Variants in CTNNA2 observed in about 807,000 individuals in gnomAD.
The protein encoded by CTNNA2 is catenin alpha 2.
Under a neutral mutation model 101.0 loss-of-function variants are expected in CTNNA2, and 42 were observed. That is an observed-to-expected ratio of 0.42 (90% CI 0.32 to 0.54). The LOEUF is 0.54. Ranked by LOEUF, CTNNA2 falls within the 20% of genes least tolerant of loss-of-function variation. CTNNA2 has a pLI of 0.14. For synonymous variants in CTNNA2, 450 were observed against 456.4 expected, an observed-to-expected ratio of 0.99 and a Z score of 0.18; for missense variants, 871 against 1,223.1, an observed-to-expected ratio of 0.71 and a Z score of 4.29.
chr2:79,786,957 A>G (rs960871959), intron 3 of CTNNA2, among the ~76,000 whole-genome samples: 2 of 152,062 alleles, frequency 1.3e-5, no homozygotes, highest in Admixed American at 6.6e-5. Context: ...CATCAGATCC[A>G]ATCCCTGCCT....
In CTNNA2 at chr2:79,829,665, T is replaced by C. The variant is rs547442667; in HGVS notation, c.299-28348T>C. Among the ~76,000 whole-genome samples the C allele has an allele frequency of 3.5e-3, 529 of 152,028 alleles. 2 individuals are homozygous for C. Among genetic ancestry groups the C allele is most frequent in the African/African-American group, 0.012 (507 of 41,532 alleles). On this transcript the variant is annotated intron_variant, in intron 3 of 18. Coordinates refer to ENST00000402739, the MANE Select transcript of CTNNA2 (RefSeq NM_001282597.3). Reference sequence around the variant, plus strand: ...TGTTTTTAAAAAAGAGGAGTGCGTATTCCTCGTAGGGAGATTTCTTTTTCT... The same window carrying C: ...TGTTTTTAAAAAAGAGGAGTGCGTACTCCTCGTAGGGAGATTTCTTTTTCT...
chr2:80,057,168 A>G (rs1186635786), intron 7 of CTNNA2, among the ~76,000 whole-genome samples: 3 of 147,668 alleles, frequency 2.0e-5, no homozygotes, highest in Non-Finnish European at 2.9e-5. Flanking sequence ...TAAGAAGTAT[A>G]TAAGTTGTTT....
At chr2:80,592,021 A>G (rs978921737) in intron 15 of CTNNA2, among the ~76,000 whole-genome samples, 1 of 152,154 alleles carries the variant, frequency 6.6e-6, no homozygotes, top group Non-Finnish European at 1.5e-5. Context: ...GCATGTTGCT[A>G]GTCTTGTGTC....
At chr2:80,057,578 G>A (rs1697308038) in intron 7 of CTNNA2, among the ~76,000 whole-genome samples, 1 of 151,954 alleles carries the variant, frequency 6.6e-6, no homozygotes, top group South Asian at 2.1e-4. Context: ...TTTCTCTCTG[G>A]CTCCCACTCA....
At chr2:79,672,722 T>C (rs1682926160) in intron 2 of CTNNA2, among the ~76,000 whole-genome samples, 1 of 151,352 alleles carries the variant, frequency 6.6e-6, no homozygotes, top group Admixed American at 6.6e-5. Flanking sequence ...TTTTTTTTTT[T>C]TTTGAGACGG....
rs1487026186 is a variant in CTNNA2, at chr2:79,423,422, A to T, written c.-135+49409A>T. Among the ~76,000 whole-genome samples the T allele has an allele frequency of 2.6e-5, 4 of 152,334 alleles. No homozygotes were observed. In the East Asian group the frequency reaches 7.7e-4, roughly 29 times the overall value. On this transcript the variant is annotated intron_variant, in intron 4 of 21. Transcript: ENST00000466387. ...CCTGAATAAATTCCTGATTTAAAAA[A>T]GTGAGATATAATAAAATATTTGTTG...
At chr2:79,826,499 C>T (rs1485904020) in intron 3 of CTNNA2, among the ~76,000 whole-genome samples, 1 of 152,168 alleles carries the variant, frequency 6.6e-6, no homozygotes, top group East Asian at 1.9e-4. Flanking sequence ...TTGGCCTCAA[C>T]CAAATTAACC....
chr2:79,200,265 C>T (rs1003740468), intron 2 of CTNNA2, among the ~76,000 whole-genome samples: 4 of 151,826 alleles, frequency 2.6e-5, no homozygotes, highest in East Asian at 1.9e-4. Context: ...GCACCTGTAG[C>T]GTCAGCTACT....
In CTNNA2 at chr2:79,378,063, T is replaced by C. The variant is rs78966938; in HGVS notation, c.-135+4050T>C. 6.3e-3 allele frequency among the ~76,000 whole-genome samples: 959 copies of C among 152,288 alleles called. 7 individuals carry two copies. Among genetic ancestry groups the C allele is most frequent in the Non-Finnish European group, 0.01 (704 of 68,014 alleles). On this transcript the variant is annotated intron_variant, in intron 4 of 21. Coordinates refer to the CTNNA2 transcript ENST00000466387. ...AATCAATTAAGTCAAATGGTATATG[T>C]AGGACACAGTATTGACCACAAGTAT...
At chr2:79,442,680 C>A (rs1678789230) in intron 4 of CTNNA2, among the ~76,000 whole-genome samples, 1 of 151,902 alleles carries the variant, frequency 6.6e-6, no homozygotes, top group Non-Finnish European at 1.5e-5. Context: ...TCTTTTTTAC[C>A]CTGATTATTA....
intron 8 of CTNNA2, among the ~76,000 whole-genome samples, chr2:80,403,821 G>T (rs997678375): frequency 2.6e-5 from 4 of 152,130 alleles, no homozygotes; most frequent in African/African-American, 4.8e-5. Flanking sequence ...AACATGAAGG[G>T]ATGTTGAATT....
chr2:79,369,158 A>G (rs1313858565), intron 3 of CTNNA2, among the ~76,000 whole-genome samples: 1 of 152,154 alleles, frequency 6.6e-6, no homozygotes, highest in East Asian at 1.9e-4. Flanking sequence ...TGGAGAAGGT[A>G]GAATGTGAGA....
intron 2 of CTNNA2, among the ~76,000 whole-genome samples, chr2:79,290,584 C>A (rs60273543): frequency 4.9e-4 from 74 of 152,216 alleles, no homozygotes; most frequent in African/African-American, 1.6e-3. Flanking sequence ...AGGAACACAC[C>A]AGCAGAAGAA....
At chr2:80,222,046 C>T (rs915266686) in intron 7 of CTNNA2, among the ~76,000 whole-genome samples, 1 of 152,184 alleles carries the variant, frequency 6.6e-6, no homozygotes, top group East Asian at 1.9e-4. Flanking sequence ...ACAGCCAACA[C>T]TTGACATGTA....
chr2:80,070,401 G>GT (rs1365533015), intron 7 of CTNNA2, among the ~76,000 whole-genome samples: 1 of 152,206 alleles, frequency 6.6e-6, no homozygotes, highest in African/African-American at 2.4e-5. Flanking sequence ...ACAGAAATTT[G>GT]TTTTTTCACA....
intron 2 of CTNNA2, among the ~76,000 whole-genome samples, chr2:79,231,029 A>G (rs916681622): frequency 6.6e-6 from 1 of 151,958 alleles, no homozygotes; most frequent in Non-Finnish European, 1.5e-5. Context: ...TCATAGGGAG[A>G]AGGGAGTTGT....
At chr2:79,640,459 T>A (rs955945861) in intron 1 of CTNNA2, among the ~76,000 whole-genome samples, 1 of 152,210 alleles carries the variant, frequency 6.6e-6, no homozygotes, top group Non-Finnish European at 1.5e-5. Flanking sequence ...TAACACATGT[T>A]AAATAAGCTA....
At chr2:79,558,032 G>T (rs748241187) in intron 1 of CTNNA2, among the ~76,000 whole-genome samples, 22 of 151,874 alleles carry the variant, frequency 1.4e-4, no homozygotes, top group Non-Finnish European at 2.9e-4. Flanking sequence ...TTATACATAC[G>T]TAAACGTTCA....
chr2:79,696,201 C>T (rs191680842), intron 2 of CTNNA2, among the ~76,000 whole-genome samples: 123 of 152,142 alleles, frequency 8.1e-4, no homozygotes, highest in African/African-American at 2.8e-3. Flanking sequence ...CATTGAGCTA[C>T]TGCAATCTTG....
Sources: allele counts gnomAD v4.1 joint callset (sites outside exome capture counted in the v4.1 genomes callset), GRCh38; gene constraint gnomAD v4.1.1; transcripts MANE v1.5; gene names NCBI Gene and HGNC (gene_info 2026-07-23, HGNC 2026-07-21).